HIP1: variants seen among roughly 807,000 people sequenced by gnomAD.
HIP1 encodes the protein huntingtin-interacting protein 1.
A neutral mutation model predicts 147.6 loss-of-function variants in HIP1; 65 were observed. The ratio of observed to expected loss-of-function variants is 0.44; its 90% CI spans 0.36 to 0.54. The LOEUF is 0.54. Ranked by LOEUF, HIP1 falls within the 20% of genes least tolerant of loss-of-function variation. HIP1 has a pLI of 0.00. For missense variants in HIP1, 1,061 were observed against 1,299.6 expected, an observed-to-expected ratio of 0.82 and a Z score of 2.82; for synonymous variants, 479 against 504.0, an observed-to-expected ratio of 0.95 and a Z score of 0.67.
chr7:75,622,584 T>C (rs1554507309), intron 1 of HIP1, among the ~76,000 whole-genome samples: 1 of 151,516 alleles, frequency 6.6e-6, no homozygotes, highest in East Asian at 1.9e-4. Flanking sequence ...TCTAAATAAA[T>C]AAATAAGGAT....
At chr7:75,723,021 C>T (rs1801545069) in intron 1 of HIP1, among the ~76,000 whole-genome samples, 1 of 152,120 alleles carries the variant, frequency 6.6e-6, no homozygotes, top group Admixed American at 6.6e-5. Context: ...ACCCATCAGG[C>T]CTCCTGCCCT....
At chr7:75,696,017 C>T (rs1178955638) in intron 1 of HIP1, among the ~76,000 whole-genome samples, 2 of 152,162 alleles carry the variant, frequency 1.3e-5, no homozygotes, top group Non-Finnish European at 2.9e-5. Flanking sequence ...GACACGGTTC[C>T]GCTGTGTCAC....
Position 75,536,096 on chromosome 7 carries a change from G to A in HIP1, c.*2076C>T, listed in dbSNP as rs868963287. On this transcript the variant is annotated 3_prime_UTR_variant, in exon 31 of 31. Transcript: ENST00000336926. Reference sequence around the variant, plus strand: ...TAGCCACTTTTGGAAATGTTGACCCGCATCAAGAACACACCGATTGGTTTA... The same window carrying A: ...TAGCCACTTTTGGAAATGTTGACCCACATCAAGAACACACCGATTGGTTTA... The A allele has an allele frequency of 4.8e-5, 9 of 188,998 alleles. No homozygotes were observed. The highest frequency in any genetic ancestry group is 8.3e-5 in the East Asian group (1 of 12,002). The allele number at this position is 188,998 out of a possible 1,614,324, so 11.7% of individuals were successfully genotyped here. A position where few individuals can be genotyped will look rare whatever the true frequency, so the allele number is the denominator to read the frequency against.
chr7:75,576,732 C>T (rs981786715), intron 7 of HIP1, among the ~76,000 whole-genome samples: 14 of 152,142 alleles, frequency 9.2e-5, no homozygotes, highest in African/African-American at 1.7e-4. Context: ...ACAAAAAAAA[C>T]GCCCCAGGTA....
chr7:75,663,463 C>T (rs998453127), intron 1 of HIP1, among the ~76,000 whole-genome samples: 3 of 151,996 alleles, frequency 2.0e-5, no homozygotes, highest in Non-Finnish European at 2.9e-5. Flanking sequence ...GTCATCCTGG[C>T]GGCACTGCTC....
intron 9 of HIP1, among the ~76,000 whole-genome samples, chr7:75,565,851 C>T (rs1020250607): frequency 6.8e-6 from 1 of 146,186 alleles, no homozygotes; most frequent in Non-Finnish European, 1.5e-5. Flanking sequence ...CCTGCCTCAG[C>T]CTCCTGAGTA....
chr7:75,592,084 T>C lies in HIP1; in HGVS notation c.356A>G (p.Asn119Ser), dbSNP rs201845637. 3.0e-5 allele frequency: 48 copies of C among 1,614,122 alleles called. No individual in the cohort carries two copies. Among genetic ancestry groups the C allele is most frequent in the Admixed American group, 5.0e-5 (3 of 60,014 alleles). Residue 119 changes from asparagine to serine, a missense_variant, in exon 4 of 31, where the codon AAT becomes AGT. Physicochemically the swap from Asn to Ser is conservative, Grantham distance 46. Coordinates refer to ENST00000336926, the MANE Select transcript of HIP1 (RefSeq NM_005338.7). ...CATCCTGCTCATGTCACTCAATTCA[T>C]TTCTGTATCTCAGAGAGTCCTTCAG... is the stretch of plus-strand genomic sequence containing the variant. ...NVLKDSLRYR[N>S]ELSDMSRMWG...
intron 2 of HIP1, among the ~76,000 whole-genome samples, chr7:75,598,226 G>A (rs782194533): frequency 9.9e-5 from 15 of 151,694 alleles, no homozygotes; most frequent in South Asian, 8.3e-4. Context: ...GCAAAACCCC[G>A]GTCCTACTAA....
intron 14 of HIP1, among the ~76,000 whole-genome samples, chr7:75,559,120 T>C (rs1243083046): frequency 6.6e-6 from 1 of 152,160 alleles, no homozygotes; most frequent in Non-Finnish European, 1.5e-5. Context: ...TTTTAACAAA[T>C]TTATTTGAAA....
At chr7:75,720,354 T>A (rs782499863) in intron 1 of HIP1, among the ~76,000 whole-genome samples, 6 of 151,808 alleles carry the variant, frequency 4.0e-5, no homozygotes, top group Non-Finnish European at 8.8e-5. Context: ...AGAGATGGGG[T>A]TTCACCGTGT....
At chr7:75,548,812 G>T in intron 23 of HIP1, 79 bp downstream of exon 23, 1 of 1,104,960 alleles carries the variant, frequency 9.1e-7, no homozygotes, top group Non-Finnish European at 1.4e-6. Flanking sequence ...ATGAACGACT[G>T]TGACATGTTT....
intron 1 of HIP1, among the ~76,000 whole-genome samples, chr7:75,661,196 T>C (rs1799301110): frequency 6.6e-6 from 1 of 151,580 alleles, no homozygotes; most frequent in Admixed American, 6.6e-5. Flanking sequence ...GAGGATCACT[T>C]GAGCCTGGGA....
intron 1 of HIP1, among the ~76,000 whole-genome samples, chr7:75,609,146 C>T (rs1352123801): frequency 6.6e-6 from 1 of 152,330 alleles, no homozygotes; most frequent in African/African-American, 2.4e-5. Context: ...CTTGCCAGGA[C>T]TGTCCCAGAC....
chr7:75,590,316 A>T (rs1384408941), intron 4 of HIP1, among the ~76,000 whole-genome samples: 2 of 152,218 alleles, frequency 1.3e-5, no homozygotes, highest in Non-Finnish European at 2.9e-5. Flanking sequence ...AAAGATACGA[A>T]AGGTAGACCT....
chr7:75,585,750 C>G (rs1288693163), intron 5 of HIP1, among the ~76,000 whole-genome samples: 3 of 151,990 alleles, frequency 2.0e-5, no homozygotes, highest in Non-Finnish European at 2.9e-5. Context: ...CCCACAGTTG[C>G]CAGACCCCTG....
At chr7:75,622,984 G>C (rs1554507420) in intron 1 of HIP1, among the ~76,000 whole-genome samples, 1 of 151,850 alleles carries the variant, frequency 6.6e-6, no homozygotes, top group Non-Finnish European at 1.5e-5. Flanking sequence ...GATCACCTGA[G>C]GTCAGGAGTT....
rs1563314246 is a variant in HIP1 at position 75,723,971 on chromosome 7, A to AG, written c.120+14829_120+14830insC. 3.5e-4 allele frequency among the ~76,000 whole-genome samples: 51 copies of AG among 146,240 alleles called. 1 individual carries two copies. In the East Asian group the frequency reaches 0.011, roughly 30 times the overall value. ...ATATAGAGAGAGAGAGAGAGAGAGA[A>AG]AGAGAGACAGAGTCTCGCTCTGTCA... is the stretch of plus-strand genomic sequence containing the variant. On this transcript the variant is annotated intron_variant, in intron 1 of 30. Coordinates refer to ENST00000336926, the MANE Select transcript of HIP1 (RefSeq NM_005338.7).
At chr7:75,714,379 G>A (rs1184485047) in intron 1 of HIP1, among the ~76,000 whole-genome samples, 14 of 151,878 alleles carry the variant, frequency 9.2e-5, no homozygotes, top group Non-Finnish European at 1.9e-4. Context: ...AATTTTCAGA[G>A]GAGCTGCAAA....
At chr7:75,700,394 T>C (rs1364338588) in intron 1 of HIP1, among the ~76,000 whole-genome samples, 3 of 152,092 alleles carry the variant, frequency 2.0e-5, no homozygotes, top group African/African-American at 7.2e-5. Flanking sequence ...AAGGGCACTG[T>C]TGAGGGCAGA....
Sources: gnomAD v4.1 joint callset for allele counts (sites outside exome capture counted in the v4.1 genomes callset) on GRCh38, gnomAD v4.1.1 for gene constraint, MANE v1.5 for transcripts, NCBI Gene and HGNC (gene_info 2026-07-23, HGNC 2026-07-21) for gene names.